RTEL1: variants seen among roughly 807,000 people sequenced by gnomAD.
RTEL1 encodes the protein regulator of telomere elongation helicase 1, also known as regulator of telomere length.
RTEL1 carries 86 observed loss-of-function variants against 162.2 expected under a neutral mutation model. The observed-to-expected ratio is 0.53, with a 90% confidence interval of 0.45 to 0.63. The LOEUF (loss-of-function observed/expected upper bound fraction) is 0.63, where lower values mean the gene tolerates loss of function less well. Ranked by LOEUF, RTEL1 falls within the 30% of genes least tolerant of loss-of-function variation. RTEL1 has a pLI of 0.00. For missense variants in RTEL1, 1,941 were observed against 1,750.2 expected, an observed-to-expected ratio of 1.11 and a Z score of -1.95; for synonymous variants, 958 against 717.9, an observed-to-expected ratio of 1.33 and a Z score of -5.35.
intron 31 of RTEL1, 42 bp downstream of exon 31, chr20:63,694,530 G>T (rs2090919219): frequency 1.6e-5 from 24 of 1,477,414 alleles, no homozygotes; most frequent in Middle Eastern, 1.8e-4. Context: ...GACTTGGTGG[G>T]TCCCTCAGTG....
chr20:63,662,105 C>T (rs923682802), intron 4 of RTEL1, among the ~76,000 whole-genome samples, 162 bp downstream of exon 4: 1 of 152,186 alleles, frequency 6.6e-6, no homozygotes, highest in African/African-American at 2.4e-5. Context: ...TGGGGTGCGG[C>T]CTGGGCTGCC....
chr20:63,666,462 T>G (rs1016343815), intron 7 of RTEL1, among the ~76,000 whole-genome samples: 4 of 152,230 alleles, frequency 2.6e-5, no homozygotes, highest in Non-Finnish European at 5.9e-5. Context: ...ACAGCAGATG[T>G]CTCCTATGTC....
At chr20:63,670,781 GA>G (rs893795995) in intron 8 of RTEL1, among the ~76,000 whole-genome samples, 4 of 149,464 alleles carry the variant, frequency 2.7e-5, no homozygotes, top group Non-Finnish European at 5.9e-5. Flanking sequence ...CCAGGAGTTT[GA>G]GACCAGCCTA....
rs1467342823 is a variant in RTEL1, at chr20:63,659,519, C to G, written c.102+15C>G. 6 of 1,591,700 alleles carry G rather than the reference C, an allele frequency of 3.8e-6. No homozygotes were observed. The highest frequency in any genetic ancestry group is 5.2e-6 in the Non-Finnish European group (6 of 1,159,696). Reference sequence around the variant, plus strand: ...GTCTGCAGCAGGTAGAGCACAGGCCCCGAGGAAAGGACTGCGGGTGGGTGG... The same window carrying G: ...GTCTGCAGCAGGTAGAGCACAGGCCGCGAGGAAAGGACTGCGGGTGGGTGG... On this transcript the variant is annotated intron_variant, in intron 2 of 34. Transcript: ENST00000360203.
At chr20:63,666,139 C>G in intron 7 of RTEL1, 60 bp downstream of exon 7, 2 of 1,288,938 alleles carry the variant, frequency 1.6e-6, no homozygotes, top group Admixed American at 3.8e-5. Context: ...CTCCTGTGAC[C>G]TGTGGAGGCC....
At chr20:63,678,441 G>T in intron 12 of RTEL1, 95 bp downstream of exon 12, 5 of 1,195,476 alleles carry the variant, frequency 4.2e-6, no homozygotes, top group South Asian at 1.4e-5. Flanking sequence ...CACGAGTGAG[G>T]CCTGTTTTCA....
At position 63,661,624 on chromosome 20, in the gene RTEL1, G is replaced by A; in HGVS notation, c.301+128G>A. The A allele has an allele frequency of 4.7e-6, 5 of 1,074,682 alleles. No homozygotes were observed. The highest frequency in any genetic ancestry group is 5.3e-6 in the Non-Finnish European group (4 of 755,430). 66.6% of individuals were successfully genotyped at this position (1,074,682 alleles called of 1,614,324 possible). ...AGCAGAACTCAAGGAGAATTTTTTA[G>A]CTGCTGTATAATTTCTCGCCATCGT... On this transcript the variant is annotated intron_variant, in intron 3 of 34. Transcript: ENST00000360203. This position sits in a 1 kb window ranked among gnomAD's most constrained non-coding sequence, Gnocchi z 5.1.
chr20:63,688,678 C>G (rs1429177198), intron 21 of RTEL1, 73 bp downstream of exon 21: 4 of 1,411,276 alleles, frequency 2.8e-6, no homozygotes, highest in Non-Finnish European at 3.9e-6. Flanking sequence ...TTCCCCAAGG[C>G]TGACCACTGG....
chr20:63,696,117 TGG>T lies in RTEL1; in HGVS notation c.*260_*261del, dbSNP rs2090974167. On this transcript the variant is annotated 3_prime_UTR_variant, in exon 35 of 35. Coordinates refer to ENST00000360203, the MANE Select transcript of RTEL1 (RefSeq NM_001283009.2). ...GCTTCCCCAGAACTTCCCTGGCTCC[TGG>T]CCTGTGAGTGGTGCCACAGGGGCAC... 1.8e-6 allele frequency: 1 copy of T among 540,904 alleles called. No homozygotes were observed. The highest frequency in any genetic ancestry group is 1.9e-5 in the African/African-American group (1 of 52,176). 33.5% of individuals were successfully genotyped at this position (540,904 alleles called of 1,614,324 possible).
chr20:63,661,402 C>T lies in RTEL1; in HGVS notation c.207C>T (p.Ala69=), dbSNP rs957858006. 2 of 1,613,888 alleles carry T rather than the reference C, an allele frequency of 1.2e-6. No individual in the cohort carries two copies. Among genetic ancestry groups the T allele is most frequent in the Non-Finnish European group, 1.7e-6 (2 of 1,180,044 alleles). Residue 69 remains alanine (A), a synonymous_variant, in exon 3 of 35, where the codon GCC becomes GCT. Coordinates refer to ENST00000360203, the MANE Select transcript of RTEL1 (RefSeq NM_001283009.2). This position sits in a 1 kb window ranked among gnomAD's most constrained non-coding sequence, Gnocchi z 5.1. ...WREHLRDGIS[A]RKIAERAQGE... is the part of the protein sequence containing the mutation. ...AACACCTCCGAGACGGCATCTCTGC[C>T]CGCAAGATTGCCGAGAGGGCGCAAG... is the stretch of plus-strand genomic sequence containing the variant.
intron 8 of RTEL1, among the ~76,000 whole-genome samples, chr20:63,670,816 C>CA (rs765965525): frequency 0.15 from 20,108 of 133,932 alleles, 1,681 homozygotes; most frequent in South Asian, 0.3. Context: ...GACCCCATCT[C>CA]AAAAAAAAAA....
rs759192968 is a variant in RTEL1, at chr20:63,694,393, A to G, written c.3014A>G (p.Lys1005Arg). 7 of 1,612,156 alleles carry G rather than the reference A, an allele frequency of 4.3e-6. No individual in the cohort carries two copies. Among genetic ancestry groups the G allele is most frequent in the Non-Finnish European group, 5.9e-6 (7 of 1,179,648 alleles). The change falls in exon 31 of 35, where the codon AAG (lysine) becomes AGG (arginine). Residue 1005 changes from lysine (K) to arginine (R), a missense_variant. Coordinates refer to ENST00000360203, the MANE Select transcript of RTEL1 (RefSeq NM_001283009.2). ...DPTGRTAPDP[K>R]LTVSTAAAQQ... ...TCAGGAAGAACGGCGCCGGATCCCAAGCTGACCGTGTCCACGGCTGCAGCC... is the reference window on the plus strand; with the variant it reads ...TCAGGAAGAACGGCGCCGGATCCCAGGCTGACCGTGTCCACGGCTGCAGCC...
Position 63,695,342 on chromosome 20 carries a change from G to C in RTEL1, c.3514G>C (p.Glu1172Gln). 3 of 1,554,008 alleles carry C rather than the reference G, an allele frequency of 1.9e-6. No individual in the cohort carries two copies. The highest frequency in any genetic ancestry group is 2.6e-6 in the Non-Finnish European group (3 of 1,149,886). Residue 1172 changes from glutamate (E) to glutamine (Q), a missense_variant, in exon 34 of 35, where the codon GAG becomes CAG. By Grantham distance (29) the Glu-to-Gln change is conservative. Transcript: ENST00000360203. ...RAPQPGPSRS[E>Q]KTGKTQSKIS... ...TCTGTCTCCAGGCCCCTCACGGTCC[G>C]AGAAGACCGGGAAGACCCAGAGCAA...
intron 12 of RTEL1, 99 bp from the exon 13 acceptor site, chr20:63,679,750 G>A (rs940922040): frequency 1.5e-5 from 13 of 874,682 alleles, no homozygotes; most frequent in South Asian, 8.1e-5. Flanking sequence ...GACCAGTGTC[G>A]TCCCCCCTCA....
At chr20:63,666,858 G>C (rs1246750775) in intron 7 of RTEL1, among the ~76,000 whole-genome samples, 1 of 30,150 alleles carries the variant, frequency 3.3e-5, no homozygotes, top group South Asian at 9.5e-4. Flanking sequence ...TTTTTTTTTT[G>C]AGACGGAGTC....
In RTEL1 at chr20:63,694,473, A is replaced by C. The variant is rs1227777952; in HGVS notation, c.3094A>C (p.Arg1032=). ...CCAGGGCAGGCCCCACCTGTCGCCC[A>C]GGCCACCCCCAACAGGTAGCTGACT... ...LNQGRPHLSP[R]PPPTGDPGSQ... is the part of the protein sequence containing the mutation. Residue 1032 remains arginine, a synonymous_variant, in exon 31 of 35, where the codon AGG becomes CGG. Coordinates refer to ENST00000360203, the MANE Select transcript of RTEL1 (RefSeq NM_001283009.2). The C allele has an allele frequency of 4.4e-6, 7 of 1,599,894 alleles. No individual in the cohort carries two copies. The highest frequency in any genetic ancestry group is 5.1e-6 in the Non-Finnish European group (6 of 1,169,814).
chr20:63,669,380 A>G (rs1433071772), intron 8 of RTEL1, among the ~76,000 whole-genome samples: 1 of 152,250 alleles, frequency 6.6e-6, no homozygotes, highest in Non-Finnish European at 1.5e-5. Flanking sequence ...GAGATTTCTT[A>G]GTATGGATAC....
chr20:63,672,847 G>A (rs774641459), intron 9 of RTEL1, among the ~76,000 whole-genome samples: 112 of 152,318 alleles, frequency 7.4e-4, no homozygotes, highest in Non-Finnish European at 1.1e-3. Context: ...CCCGTCAGGC[G>A]CAGGGCCCCC....
In RTEL1 at chr20:63,688,012, C is replaced by A. The variant is rs972652156; in HGVS notation, c.1557C>A (p.Gly519=). ...TCTGGGTGGGGGTCGTCCCCAGAGG[C>A]CCCGATGGAGCCCAGTTGAGCTCCG... is the stretch of plus-strand genomic sequence containing the variant. ...HQIWVGVVPR[G]PDGAQLSSAF... Residue 519 remains glycine, a synonymous_variant, in exon 18 of 35, where the codon GGC becomes GGA. Transcript: ENST00000360203. The A allele has an allele frequency of 1.2e-6, 2 of 1,612,794 alleles. No homozygotes were observed. Among genetic ancestry groups the A allele is most frequent in the Non-Finnish European group, 1.7e-6 (2 of 1,179,986 alleles).
Sources: allele counts gnomAD v4.1 joint callset (sites outside exome capture counted in the v4.1 genomes callset), GRCh38; gene constraint gnomAD v4.1.1; non-coding constraint Gnocchi (gnomAD v3.1); transcripts MANE v1.5; gene names NCBI Gene and HGNC (gene_info 2026-07-23, HGNC 2026-07-21).